NLGN1: variants seen among roughly 807,000 people sequenced by gnomAD.
NLGN1 encodes neuroligin 1.
In NLGN1, 12 loss-of-function variants were observed where a neutral mutation model predicts 65.5. That is an observed-to-expected ratio of 0.18 (90% confidence interval 0.12 to 0.30). NLGN1 has a LOEUF of 0.30. NLGN1 is among the 10% of genes least tolerant of loss of function. The probability of loss-of-function intolerance (pLI) is 1.00; values close to 1 mark genes in which losing one functional copy is unlikely to be tolerated. For synonymous variants in NLGN1, 350 were observed against 359.5 expected (o/e 0.97, Z 0.30); for missense variants, 750 against 1,007.1 (o/e 0.74, Z 3.46).
intron 2 of NLGN1, among the ~76,000 whole-genome samples, chr3:173,510,297 C>A (rs1403191894): frequency 3.9e-5 from 6 of 152,198 alleles, no homozygotes; most frequent in Admixed American, 6.5e-5. Flanking sequence ...CTTAATACTG[C>A]ACTCTTGGCA....
chr3:173,828,657 G>T (rs1296524943), intron 4 of NLGN1, among the ~76,000 whole-genome samples: 1 of 152,142 alleles, frequency 6.6e-6, no homozygotes, highest in Non-Finnish European at 1.5e-5. Context: ...AGGTGGCTGG[G>T]AAATTTGGAA....
intron 3 of NLGN1, among the ~76,000 whole-genome samples, chr3:173,788,221 A>G (rs950013298): frequency 2.4e-4 from 36 of 150,802 alleles, no homozygotes; most frequent in South Asian, 6.2e-4. Flanking sequence ...AAAAAAAAAA[A>G]AAAAAAGAAA....
chr3:174,065,725 A>C (rs570551811), intron 4 of NLGN1, among the ~76,000 whole-genome samples: 16 of 152,236 alleles, frequency 1.1e-4, no homozygotes, highest in Admixed American at 5.9e-4. Flanking sequence ...TTAAAAAAAA[A>C]AACAACATGA....
chr3:174,108,178 C>A (rs1006856746), intron 4 of NLGN1, among the ~76,000 whole-genome samples: 6 of 151,784 alleles, frequency 4.0e-5, no homozygotes, highest in Non-Finnish European at 7.4e-5. Context: ...TTCTTTCATG[C>A]ATTGTACCTT....
At chr3:173,797,762 ACT>A (rs1714476573) in intron 3 of NLGN1, among the ~76,000 whole-genome samples, 1 of 151,882 alleles carries the variant, frequency 6.6e-6, no homozygotes, top group Admixed American at 6.6e-5. Context: ...CCATGGAAAA[ACT>A]CTCTGTATAT....
intron 3 of NLGN1, among the ~76,000 whole-genome samples, chr3:173,628,044 T>C (rs1350717045): frequency 6.6e-6 from 1 of 152,148 alleles, no homozygotes; most frequent in Non-Finnish European, 1.5e-5. Flanking sequence ...TATTGCTCTC[T>C]TCTTCTGTCA....
At chr3:173,647,518 A>G (rs1177330629) in intron 3 of NLGN1, among the ~76,000 whole-genome samples, 2 of 152,228 alleles carry the variant, frequency 1.3e-5, no homozygotes, top group East Asian at 3.9e-4. Context: ...AATGGAATTG[A>G]AATGGAAATC....
intron 3 of NLGN1, among the ~76,000 whole-genome samples, chr3:173,701,238 A>T (rs1261826655): frequency 2.0e-5 from 3 of 152,236 alleles, no homozygotes; most frequent in Admixed American, 2.0e-4. Context: ...TTCTGTGAAC[A>T]TATTAGCCTG....
intron 4 of NLGN1, among the ~76,000 whole-genome samples, chr3:173,866,217 G>A (rs1451026595): frequency 3.3e-5 from 5 of 152,160 alleles, no homozygotes; most frequent in Admixed American, 1.3e-4. Context: ...GATGTTAGGA[G>A]CAGGCATTTG....
intron 3 of NLGN1, among the ~76,000 whole-genome samples, chr3:173,707,464 T>A (rs1768213605): frequency 6.6e-6 from 1 of 152,114 alleles, no homozygotes; most frequent in Non-Finnish European, 1.5e-5. Flanking sequence ...AGATACTGGC[T>A]TGACAGTGCT....
intron 4 of NLGN1, among the ~76,000 whole-genome samples, chr3:173,875,306 G>A (rs1427056086): frequency 6.6e-6 from 1 of 152,164 alleles, no homozygotes; most frequent in Non-Finnish European, 1.5e-5. Context: ...GGTAGAATCT[G>A]TGTCTGGAGC....
intron 3 of NLGN1, among the ~76,000 whole-genome samples, chr3:173,716,824 T>C (rs1769932847): frequency 6.6e-6 from 1 of 152,156 alleles, no homozygotes; most frequent in Non-Finnish European, 1.5e-5. Flanking sequence ...TATTGCCTAT[T>C]GTTCCAAGGT....
intron 2 of NLGN1, among the ~76,000 whole-genome samples, chr3:173,482,833 T>G: frequency 6.6e-6 from 1 of 152,052 alleles, no homozygotes; most frequent in East Asian, 1.9e-4. Flanking sequence ...GACAATGTCC[T>G]TAATTATTAA....
chr3:173,496,375 A>G (rs1203678231), intron 2 of NLGN1, among the ~76,000 whole-genome samples: 2 of 151,956 alleles, frequency 1.3e-5, no homozygotes, highest in African/African-American at 4.9e-5. Context: ...AATACAAATA[A>G]TATATGTAAT....
chr3:173,754,024 C>CTTTTTTTTTTTTTTT (rs71162358), intron 3 of NLGN1, among the ~76,000 whole-genome samples: 16 of 121,618 alleles, frequency 1.3e-4, no homozygotes, highest in East Asian at 2.4e-4. Context: ...TCTTTCTTTT[C>CTTTTTTTTTTTTTTT]TTTTTTTTTT....
chr3:173,581,664 T>G (rs1746419214), intron 2 of NLGN1, among the ~76,000 whole-genome samples: 1 of 151,974 alleles, frequency 6.6e-6, no homozygotes, highest in Non-Finnish European at 1.5e-5. Flanking sequence ...CATTTACACT[T>G]CTTAGAAATA....
chr3:173,753,325 C>T (rs1397495074), intron 3 of NLGN1, among the ~76,000 whole-genome samples: 1 of 152,096 alleles, frequency 6.6e-6, no homozygotes, highest in Non-Finnish European at 1.5e-5. Flanking sequence ...ACTCAACATA[C>T]CCAAACTCTT....
chr3:174,016,573 CAG>C (rs1365830470), intron 4 of NLGN1, among the ~76,000 whole-genome samples: 2 of 152,112 alleles, frequency 1.3e-5, no homozygotes, highest in African/African-American at 4.8e-5. Flanking sequence ...CATCAGGAGA[CAG>C]GGGTGATGCC....
At chr3:173,752,263 A>G in intron 3 of NLGN1, among the ~76,000 whole-genome samples, 1 of 152,138 alleles carries the variant, frequency 6.6e-6, no homozygotes, top group East Asian at 1.9e-4. Flanking sequence ...TACAATATGC[A>G]GAATGTACCC....
Sources: gnomAD v4.1 joint callset for allele counts (sites outside exome capture counted in the v4.1 genomes callset) on GRCh38, gnomAD v4.1.1 for gene constraint, MANE v1.5 for transcripts, NCBI Gene and HGNC (gene_info 2026-07-23, HGNC 2026-07-21) for gene names.